SLC38A9: variants seen among roughly 807,000 people sequenced by gnomAD.
The protein encoded by SLC38A9 is neutral amino acid transporter 9.
Under a neutral mutation model 62.3 loss-of-function variants are expected in SLC38A9, and 48 were observed. The ratio of observed to expected loss-of-function variants is 0.77; its 90% confidence interval spans 0.61 to 0.98. SLC38A9 has a LOEUF of 0.98. Among genes scored for constraint, SLC38A9 ranks in the 50% least tolerant of loss-of-function variants. The pLI is 0.00. For missense variants in SLC38A9, 541 were observed against 679.8 expected, an observed-to-expected ratio of 0.80 and a Z score of 2.27; for synonymous variants, 204 against 227.7, an observed-to-expected ratio of 0.90 and a Z score of 0.94.
intron 12 of SLC38A9, among the ~76,000 whole-genome samples, chr5:55,642,304 CAA>C (rs1465253961): frequency 6.6e-6 from 1 of 152,228 alleles, no homozygotes; most frequent in Non-Finnish European, 1.5e-5. Context: ...CTCAGCTTCC[CAA>C]AGTGTTGGGA....
intron 2 of SLC38A9, among the ~76,000 whole-genome samples, chr5:55,703,134 A>T (rs1756873403): frequency 6.6e-6 from 1 of 152,184 alleles, no homozygotes; most frequent in South Asian, 2.1e-4. Flanking sequence ...ACAAGTCCCT[A>T]CAATATACTG....
At chr5:55,645,692 T>G in intron 12 of SLC38A9, 97 bp downstream of exon 12, 1 of 795,072 alleles carries the variant, frequency 1.3e-6, no homozygotes, top group Non-Finnish European at 2.0e-6. Context: ...GTAACAAAAT[T>G]GCCTAATTGT....
intron 14 of SLC38A9, among the ~76,000 whole-genome samples, chr5:55,632,583 C>T (rs1188699755): frequency 6.6e-6 from 1 of 152,206 alleles, no homozygotes; most frequent in Non-Finnish European, 1.5e-5. Context: ...GAATCTCAGT[C>T]CCATTCTCCC....
chr5:55,710,313 C>T (rs545487367), intron 2 of SLC38A9, among the ~76,000 whole-genome samples: 10 of 151,116 alleles, frequency 6.6e-5, no homozygotes, highest in Middle Eastern at 6.9e-3. Flanking sequence ...AGCAATTCTC[C>T]TGCCTCAGCA....
chr5:55,667,722 A>C (rs7731135), intron 7 of SLC38A9, among the ~76,000 whole-genome samples: 90,878 of 151,640 alleles, frequency 0.6, 27,807 homozygotes, highest in South Asian at 0.7. Context: ...TCTTTTTATT[A>C]TTTTTATTTT....
At chr5:55,709,827 G>T (rs1211637607) in intron 2 of SLC38A9, among the ~76,000 whole-genome samples, 2 of 152,014 alleles carry the variant, frequency 1.3e-5, no homozygotes, top group Admixed American at 1.3e-4. Context: ...AGCACTTTGG[G>T]AGGCCGAGGC....
At chr5:55,698,901 C>T (rs1009088164) in intron 2 of SLC38A9, among the ~76,000 whole-genome samples, 5 of 152,086 alleles carry the variant, frequency 3.3e-5, no homozygotes, top group African/African-American at 1.2e-4. Context: ...TGCGCCACTG[C>T]ACTCCAGCCA....
In SLC38A9 at chr5:55,656,870, T is replaced by TC. The variant is rs201037897; in HGVS notation, c.698-97dup. The TC allele has an allele frequency of 4.7e-4, 267 of 572,184 alleles. 1 individual carries two copies. In the African/African-American group the frequency reaches 5.0e-3, roughly 11 times the overall value. The allele number at this position is 572,184 out of a possible 1,614,324, so 35.4% of individuals were successfully genotyped here. On this transcript the variant is annotated intron_variant, in intron 8 of 15. Transcript: ENST00000396865. ...TTTATTTATAAAAATCTTTTTTTTT[T>TC]CTTTCTTTGAGACGGAGTCTTGCTC... is the stretch of plus-strand genomic sequence containing the variant.
At chr5:55,682,378 G>C (rs6890592) in intron 3 of SLC38A9, among the ~76,000 whole-genome samples, 91,204 of 152,016 alleles carry the variant, frequency 0.6, 27,947 homozygotes, top group South Asian at 0.7. Flanking sequence ...TCATTCCACT[G>C]CTGGTACAAC....
intron 2 of SLC38A9, among the ~76,000 whole-genome samples, chr5:55,699,724 GA>G (rs35109604): frequency 0.6 from 91,368 of 151,064 alleles, 28,046 homozygotes; most frequent in South Asian, 0.7. Context: ...GAATTTTTAG[GA>G]AAAAAAAAAT....
intron 8 of SLC38A9, among the ~76,000 whole-genome samples, chr5:55,657,603 A>C (rs147652607): frequency 9.8e-5 from 15 of 152,322 alleles, no homozygotes; most frequent in African/African-American, 3.6e-4. Flanking sequence ...ACAAAGAACA[A>C]AGCACATGCA....
intron 12 of SLC38A9, among the ~76,000 whole-genome samples, chr5:55,641,885 G>T (rs1745497286): frequency 6.6e-6 from 1 of 152,238 alleles, no homozygotes; most frequent in East Asian, 1.9e-4. Flanking sequence ...AGTACTAATA[G>T]TTCAAATTCT....
chr5:55,669,733 T>C, intron 5 of SLC38A9, 25 bp downstream of exon 5: 1 of 1,606,884 alleles, frequency 6.2e-7, no homozygotes, highest in South Asian at 1.1e-5. Flanking sequence ...GTTTAAGTCA[T>C]GCTCCAAAAA....
At chr5:55,707,754 C>T (rs1435423948) in intron 2 of SLC38A9, among the ~76,000 whole-genome samples, 1 of 152,112 alleles carries the variant, frequency 6.6e-6, no homozygotes, top group Non-Finnish European at 1.5e-5. Context: ...TGTGTCCCGT[C>T]CAAAATTCAT....
intron 11 of SLC38A9, 98 bp from the exon 12 acceptor site, chr5:55,645,993 T>C: frequency 1.4e-6 from 1 of 713,518 alleles, no homozygotes; most frequent in Non-Finnish European, 2.4e-6. Flanking sequence ...GTCACTGTTT[T>C]ATCCAGGGAA....
rs764539689 is a variant in SLC38A9 at position 55,648,852 on chromosome 5, CA to C, written c.1060+354del. 7.0e-4 allele frequency among the ~76,000 whole-genome samples: 107 copies of C among 152,240 alleles called. 2 individuals carry two copies. The highest frequency in any genetic ancestry group is 1.1e-3 in the Admixed American group (17 of 15,274). On this transcript the variant is annotated intron_variant, in intron 11 of 15. Coordinates refer to ENST00000396865, the MANE Select transcript of SLC38A9 (RefSeq NM_173514.4). ...GTATTAAAATATCATATGTTCCCCC[CA>C]AATATGTACAACTATTATATGTCAA...
intron 4 of SLC38A9, among the ~76,000 whole-genome samples, chr5:55,670,219 C>T (rs1251978174): frequency 5.9e-5 from 9 of 152,186 alleles, no homozygotes; most frequent in Non-Finnish European, 1.2e-4. Flanking sequence ...CCACCCGCCT[C>T]GGCCTCCCAA....
At chr5:55,691,106 G>A (rs1236432787) in intron 3 of SLC38A9, 1 of 698,930 alleles carries the variant, frequency 1.4e-6, no homozygotes, top group Non-Finnish European at 2.6e-6. Flanking sequence ...AATGCTGCCT[G>A]TACCCCACTT....
chr5:55,669,305 C>A lies in SLC38A9; in HGVS notation c.449G>T (p.Gly150Val). The change falls in exon 7 of 16, where the codon GGA becomes GTA. Residue 150 changes from glycine (G) to valine (V), a missense_variant. Gly to Val is a moderately radical substitution (Grantham distance 109). Transcript: ENST00000396865. ...WGIKQAGFTT[G>V]MCVIILMGLL... ...GCCCATCAGTATGATGACACACATT[C>A]CAGTAGTAAATCCAGCCTGTTTAAA... 1 of 1,612,440 alleles carries A rather than the reference C, an allele frequency of 6.2e-7. No homozygotes were observed. Among genetic ancestry groups the A allele is most frequent in the Non-Finnish European group, 8.5e-7 (1 of 1,179,382 alleles).
Sources: gnomAD v4.1 joint callset for allele counts (sites outside exome capture counted in the v4.1 genomes callset) on GRCh38, gnomAD v4.1.1 for gene constraint, MANE v1.5 for transcripts, NCBI Gene and HGNC (gene_info 2026-07-23, HGNC 2026-07-21) for gene names.